Variants in RCBTB2 observed in about 807,000 individuals in gnomAD.
The protein encoded by RCBTB2 is RCC1 and BTB domain-containing protein 2.
In RCBTB2, 55 loss-of-function variants were observed where a neutral mutation model predicts 65.4. The observed-to-expected ratio is 0.84, with a 90% CI of 0.68 to 1.05. RCBTB2 has a LOEUF of 1.05. Among genes scored for constraint, RCBTB2 ranks in the 50% least tolerant of loss-of-function variants. The pLI, the probability that RCBTB2 is intolerant of heterozygous loss-of-function variation, is 0.00. For synonymous variants in RCBTB2, 220 were observed against 255.2 expected (o/e 0.86, Z 1.31); for missense variants, 599 against 680.1 (o/e 0.88, Z 1.33).
chr13:48,508,215 A>G (rs988229093), intron 10 of RCBTB2, among the ~76,000 whole-genome samples: 2 of 152,212 alleles, frequency 1.3e-5, no homozygotes, highest in Admixed American at 1.3e-4. Context: ...AAGTTATGAC[A>G]TATACTTGAC....
At chr13:48,535,721 TGCC>T (rs765199027), upstream of RCBTB2, 1 of 456,748 alleles carries the variant, frequency 2.2e-6, no homozygotes, top group Non-Finnish European at 4.4e-6. Flanking sequence ...TGCTTACAGC[TGCC>T]ATCTTGAAGC....
intron 4 of RCBTB2, among the ~76,000 whole-genome samples, chr13:48,517,148 T>G (rs1951135724): frequency 1.3e-5 from 2 of 152,202 alleles, no homozygotes; most frequent in African/African-American, 4.8e-5. Flanking sequence ...ATTAACTTAG[T>G]AAGCCTCCCC....
At chr13:48,497,808 A>G (rs1950046255) in intron 13 of RCBTB2, among the ~76,000 whole-genome samples, 1 of 152,252 alleles carries the variant, frequency 6.6e-6, no homozygotes, top group African/African-American at 2.4e-5. Flanking sequence ...GGAAAGACAG[A>G]TAGCCCACTG....
chr13:48,526,903 G>A (rs1951768442), intron 1 of RCBTB2, among the ~76,000 whole-genome samples: 2 of 152,058 alleles, frequency 1.3e-5, no homozygotes, highest in Admixed American at 1.3e-4. Flanking sequence ...GTGACAGAGT[G>A]AGACTCCATC....
intron 4 of RCBTB2, among the ~76,000 whole-genome samples, chr13:48,516,397 C>T (rs1951090417): frequency 6.6e-6 from 1 of 152,164 alleles, no homozygotes. Flanking sequence ...TCTTATGGTT[C>T]TGGAAACTGG....
chr13:48,522,368 TTC>T lies in RCBTB2; in HGVS notation c.-86_-85del, dbSNP rs1159897533. 5 of 1,515,420 alleles carry T rather than the reference TTC, an allele frequency of 3.3e-6. No individual in the cohort carries two copies. The East Asian group carries it at 1.2e-4, about 37-fold the overall frequency. The allele number at this position is 1,515,420 out of a possible 1,614,324, so 93.9% of individuals were successfully genotyped here. A position where few individuals can be genotyped will look rare whatever the true frequency, so the allele number is the denominator to read the frequency against. On this transcript the variant is annotated 5_prime_UTR_variant, in exon 3 of 15. Coordinates refer to ENST00000344532, the MANE Select transcript of RCBTB2 (RefSeq NM_001268.4). ...AATCACGGGGAAGAGCGGACATCAATTCTCAGCTCCACAGAAGAATATATGAT... is the reference window on the plus strand; with the variant it reads ...AATCACGGGGAAGAGCGGACATCAATTCAGCTCCACAGAAGAATATATGAT...
At chr13:48,496,790 A>AGAGGGGAGGG (rs1949996596) in intron 13 of RCBTB2, among the ~76,000 whole-genome samples, 2 of 96,080 alleles carry the variant, frequency 2.1e-5, no homozygotes, top group Non-Finnish European at 3.8e-5. Flanking sequence ...GGAGAAGAGA[A>AGAGGGGAGGG]GAGGGGAGGG....
Position 48,499,552 on chromosome 13 carries a change from G to A in RCBTB2, c.1384+69C>T. The A allele has an allele frequency of 8.0e-6, 12 of 1,502,056 alleles. No homozygotes were observed. In the South Asian group the frequency reaches 1.1e-4, roughly 13 times the overall value. The allele number at this position is 1,502,056 out of a possible 1,614,324, so 93.0% of individuals were successfully genotyped here. A position where few individuals can be genotyped will look rare whatever the true frequency, so the allele number is the denominator to read the frequency against. On this transcript the variant is annotated intron_variant, in intron 13 of 14. Transcript: ENST00000344532. ...TTACCCTCACAGTGACTTTCTTTTA[G>A]GTTCTATAGAAACCACCTTGTCAGT... is the stretch of plus-strand genomic sequence containing the variant.
chr13:48,534,787 C>G (rs964265641), upstream of RCBTB2, among the ~76,000 whole-genome samples: 26 of 152,198 alleles, frequency 1.7e-4, no homozygotes, highest in Admixed American at 1.6e-3. Flanking sequence ...ATAATTTGGT[C>G]TACTAAACTT....
At position 48,527,361 on chromosome 13, in the gene RCBTB2, T is replaced by TATATCATATATATATATGATA; in HGVS notation, c.-218-2605_-218-2604insTATCATATATATATATGATAT. 2.8e-4 allele frequency among the ~76,000 whole-genome samples: 31 copies of TATATCATATATATATATGATA among 112,402 alleles called. 1 individual carries two copies. The highest frequency in any genetic ancestry group is 4.5e-3 in the Middle Eastern group (1 of 224). The allele number at this position is 112,402 out of a possible 152,430, so 73.7% of individuals were successfully genotyped here. On this transcript the variant is annotated intron_variant, in intron 1 of 14. Coordinates refer to ENST00000344532, the MANE Select transcript of RCBTB2 (RefSeq NM_001268.4). ...TGATATATATATATATGATATATAT[T>TATATCATATATATATATGATA]TATATATGATATATATATATGATAT... is the stretch of plus-strand genomic sequence containing the variant.
intron 13 of RCBTB2, among the ~76,000 whole-genome samples, chr13:48,497,650 T>C (rs1470399817): frequency 6.6e-6 from 1 of 152,240 alleles, no homozygotes; most frequent in African/African-American, 2.4e-5. Context: ...AGGTACTTAA[T>C]AGAGTGTACG....
intron 10 of RCBTB2, among the ~76,000 whole-genome samples, chr13:48,509,031 A>C (rs761597850): frequency 6.6e-6 from 1 of 152,146 alleles, no homozygotes; most frequent in Non-Finnish European, 1.5e-5. Flanking sequence ...TAGGAGCACC[A>C]TAAAAAGTAA....
intron 14 of RCBTB2, among the ~76,000 whole-genome samples, chr13:48,493,225 T>C (rs972476990): frequency 9.2e-6 from 1 of 109,126 alleles, no homozygotes; most frequent in Non-Finnish European, 1.7e-5. Context: ...GTACCCTCCT[T>C]CACACACACA....
upstream of RCBTB2, among the ~76,000 whole-genome samples, chr13:48,535,502 C>T (rs1952352071): frequency 6.6e-6 from 1 of 152,132 alleles, no homozygotes; most frequent in East Asian, 1.9e-4. Flanking sequence ...GTGATCTATC[C>T]ACCTCAGCCT....
chr13:48,504,321 A>G, intron 10 of RCBTB2: 1 of 985,420 alleles, frequency 1.0e-6, no homozygotes, highest in Non-Finnish European at 1.2e-6. Context: ...CTGACACAAG[A>G]CATAACTCCA....
chr13:48,505,050 CT>C lies in RCBTB2; in HGVS notation c.927-2137del, dbSNP rs533831016. ...ACCTAGGTTTGTTTTTTATTTCTTT[CT>C]TTTTTTTTTTTTTTCTTGCAGCTCC... On this transcript the variant is annotated intron_variant, in intron 10 of 14. Transcript: ENST00000344532. Among the ~76,000 whole-genome samples the C allele has an allele frequency of 3.9e-3, 545 of 138,160 alleles. 1 individual carries two copies. The highest frequency in any genetic ancestry group is 7.4e-3 in the Middle Eastern group (2 of 272). The allele number at this position is 138,160 out of a possible 152,430, so 90.6% of individuals were successfully genotyped here. A position where few individuals can be genotyped will look rare whatever the true frequency, so the allele number is the denominator to read the frequency against.
intron 4 of RCBTB2, among the ~76,000 whole-genome samples, chr13:48,519,163 T>C (rs1278182768): frequency 6.6e-6 from 1 of 152,190 alleles, no homozygotes; most frequent in East Asian, 1.9e-4. Flanking sequence ...TATCATCTGA[T>C]TGTTGAGTAA....
chr13:48,527,361 T>TATGATA, intron 1 of RCBTB2, among the ~76,000 whole-genome samples: 80 of 112,346 alleles, frequency 7.1e-4, no homozygotes, highest in African/African-American at 4.3e-3. Flanking sequence ...TGATATATAT[T>TATGATA]TATATATGAT....
intron 10 of RCBTB2, among the ~76,000 whole-genome samples, chr13:48,507,302 C>A (rs1950553724): frequency 6.6e-6 from 1 of 152,332 alleles, no homozygotes; most frequent in African/African-American, 2.4e-5. Flanking sequence ...AGGAATCCTG[C>A]CATTGCCTAA....
Sources: allele counts gnomAD v4.1 joint callset (sites outside exome capture counted in the v4.1 genomes callset), GRCh38; gene constraint gnomAD v4.1.1; transcripts MANE v1.5; gene names NCBI Gene and HGNC (gene_info 2026-07-23, HGNC 2026-07-21).